Variants in CDKAL1 observed in about 807,000 individuals in gnomAD.
CDKAL1 encodes the protein threonylcarbamoyladenosine tRNA methylthiotransferase.
Under a neutral mutation model 68.2 loss-of-function variants are expected in CDKAL1, and 32 were observed. The ratio of observed to expected loss-of-function variants is 0.47; its 90% CI spans 0.35 to 0.63. The LOEUF (loss-of-function observed/expected upper bound fraction) is 0.63. Among genes scored for constraint, CDKAL1 ranks in the 30% least tolerant of loss-of-function variants. The pLI is 0.00. For synonymous variants in CDKAL1, 234 were observed against 244.3 expected (o/e 0.96, Z 0.39); for missense variants, 606 against 696.7 (o/e 0.87, Z 1.47).
chr6:20,690,479 A>C (rs986587870), intron 5 of CDKAL1, among the ~76,000 whole-genome samples: 2 of 152,150 alleles, frequency 1.3e-5, no homozygotes, highest in Admixed American at 1.3e-4. Context: ...GAGAAGAGAT[A>C]TCCATTAGCC....
intron 7 of CDKAL1, among the ~76,000 whole-genome samples, chr6:20,759,596 T>C (rs1450981576): frequency 6.6e-6 from 1 of 152,224 alleles, no homozygotes; most frequent in South Asian, 2.1e-4. Flanking sequence ...TGTTATCACA[T>C]AATTAGGTTG....
At chr6:20,701,375 G>A (rs1771351948) in intron 5 of CDKAL1, among the ~76,000 whole-genome samples, 2 of 151,636 alleles carry the variant, frequency 1.3e-5, no homozygotes, top group South Asian at 2.1e-4. Context: ...TGCTGGGCCT[G>A]CACTGTACTA....
At chr6:21,121,494 A>G (rs977591674) in intron 13 of CDKAL1, among the ~76,000 whole-genome samples, 1 of 152,216 alleles carries the variant, frequency 6.6e-6, no homozygotes, top group Non-Finnish European at 1.5e-5. Context: ...GAGAAATGCT[A>G]AAATATAAAA....
intron 13 of CDKAL1, among the ~76,000 whole-genome samples, chr6:21,120,681 T>A (rs1774666532): frequency 6.6e-6 from 1 of 152,238 alleles, no homozygotes; most frequent in South Asian, 2.1e-4. Context: ...ATGTGCTTTT[T>A]AAAAATTTAA....
At chr6:20,924,735 A>G (rs1763108159) in intron 9 of CDKAL1, among the ~76,000 whole-genome samples, 1 of 152,248 alleles carries the variant, frequency 6.6e-6, no homozygotes, top group Admixed American at 6.5e-5. Flanking sequence ...AGCCATCTCC[A>G]TAACATAAAA....
intron 8 of CDKAL1, among the ~76,000 whole-genome samples, chr6:20,828,852 TC>T (rs1350746401): frequency 1.3e-5 from 2 of 152,094 alleles, no homozygotes; most frequent in African/African-American, 4.8e-5. Context: ...AAACAGTAAC[TC>T]CCCATTCCCT....
intron 10 of CDKAL1, among the ~76,000 whole-genome samples, chr6:20,967,049 T>G (rs1022349709): frequency 6.6e-6 from 1 of 152,224 alleles, no homozygotes; most frequent in Non-Finnish European, 1.5e-5. Context: ...CTGACAATAC[T>G]TGGCATTCCT....
chr6:20,920,833 A>C (rs1762919819), intron 9 of CDKAL1, among the ~76,000 whole-genome samples: 2 of 152,254 alleles, frequency 1.3e-5, no homozygotes, highest in South Asian at 4.1e-4. Context: ...CTTACCCTTT[A>C]TATAGAGAGA....
intron 8 of CDKAL1, among the ~76,000 whole-genome samples, chr6:20,844,689 A>AG (rs1290028077): frequency 7.8e-6 from 1 of 127,440 alleles, no homozygotes; most frequent in Non-Finnish European, 1.8e-5. Flanking sequence ...GTTTCTATTA[A>AG]AAAAAAAAAG....
chr6:20,773,446 T>C (rs1290171207), intron 7 of CDKAL1, among the ~76,000 whole-genome samples: 2 of 152,358 alleles, frequency 1.3e-5, no homozygotes, highest in Admixed American at 6.5e-5. Context: ...ACAGATTAAA[T>C]TGGGCACTTT....
In CDKAL1 at chr6:21,170,376, A is replaced by G. The variant is rs140944538; in HGVS notation, c.1300-27645A>G. Among the ~76,000 whole-genome samples, 1,002 of 152,242 alleles carry G rather than the reference A, an allele frequency of 6.6e-3. 10 individuals carry two copies. Among genetic ancestry groups the G allele is most frequent in the African/African-American group, 0.023 (964 of 41,564 alleles). On this transcript the variant is annotated intron_variant, in intron 13 of 15. Transcript: ENST00000274695. ...TTGAGATGGAGTCTCACTCTGTCAC[A>G]CAGGCTGGAGTGCAGTGATCTTGGC... is the stretch of plus-strand genomic sequence containing the variant.
chr6:20,903,233 G>A (rs1301266900), intron 9 of CDKAL1, among the ~76,000 whole-genome samples: 1 of 152,080 alleles, frequency 6.6e-6, no homozygotes, highest in African/African-American at 2.4e-5. Context: ...CTTTAATGGT[G>A]AATATCTTAA....
chr6:20,986,939 G>A lies in CDKAL1; in HGVS notation c.910-13288G>A, dbSNP rs114468751. On this transcript the variant is annotated intron_variant, in intron 10 of 15. Coordinates refer to ENST00000274695, the MANE Select transcript of CDKAL1 (RefSeq NM_017774.3). ...AAGACCTCAAACTGAAAAATGGCAC[G>A]AAGTCTCAATTTTACAGCCATTAAG... 9.7e-3 allele frequency among the ~76,000 whole-genome samples: 1,473 copies of A among 152,246 alleles called. 21 individuals are homozygous for A. The highest frequency in any genetic ancestry group is 0.033 in the African/African-American group (1,380 of 41,540).
intron 9 of CDKAL1, among the ~76,000 whole-genome samples, chr6:20,933,140 T>C (rs1445275555): frequency 1.3e-5 from 2 of 152,162 alleles, no homozygotes; most frequent in African/African-American, 4.8e-5. Flanking sequence ...GAAGCCACCA[T>C]TAGCAGTGTA....
At chr6:20,623,807 G>T (rs1767301752) in intron 4 of CDKAL1, among the ~76,000 whole-genome samples, 1 of 152,152 alleles carries the variant, frequency 6.6e-6, no homozygotes, top group African/African-American at 2.4e-5. Flanking sequence ...AGACTGTTAA[G>T]TTCAAATCAG....
At chr6:20,691,339 A>C (rs1770861913) in intron 5 of CDKAL1, among the ~76,000 whole-genome samples, 1 of 151,938 alleles carries the variant, frequency 6.6e-6, no homozygotes, top group Non-Finnish European at 1.5e-5. Flanking sequence ...TACAGATGGC[A>C]TGGTGGGGCC....
chr6:21,179,397 T>C (rs901276321), intron 13 of CDKAL1, among the ~76,000 whole-genome samples: 2 of 152,212 alleles, frequency 1.3e-5, no homozygotes, highest in African/African-American at 4.8e-5. Context: ...CAAAGCCACA[T>C]GCTAATCATG....
intron 14 of CDKAL1, 21 bp downstream of exon 14, chr6:21,198,125 C>G: frequency 6.7e-7 from 1 of 1,483,928 alleles, no homozygotes; most frequent in Non-Finnish European, 9.2e-7. Context: ...CTTCAGTATT[C>G]TTGAGTTTTC....
intron 12 of CDKAL1, among the ~76,000 whole-genome samples, chr6:21,085,150 C>G (rs572783309): frequency 6.6e-6 from 1 of 152,326 alleles, no homozygotes; most frequent in Non-Finnish European, 1.5e-5. Flanking sequence ...GGTGGTGCAT[C>G]TCACTAGTGT....
Sources: allele counts gnomAD v4.1 joint callset (sites outside exome capture counted in the v4.1 genomes callset), GRCh38; gene constraint gnomAD v4.1.1; transcripts MANE v1.5; gene names NCBI Gene and HGNC (gene_info 2026-07-23, HGNC 2026-07-21).